The following DOK6 variants were observed in gnomAD, a reference collection of about 807,000 sequenced individuals.
DOK6 encodes the protein docking protein 6, also known as downstream of tyrosine kinase 6.
In DOK6, 22 loss-of-function variants were observed where a neutral mutation model predicts 44.0. The observed-to-expected ratio is 0.50, with a 90% CI of 0.36 to 0.71. The LOEUF (loss-of-function observed/expected upper bound fraction) is 0.71. Among genes scored for constraint, DOK6 ranks in the 30% least tolerant of loss-of-function variants. The probability of loss-of-function intolerance (pLI) is 0.00; values close to 1 mark genes in which losing one functional copy is unlikely to be tolerated. For synonymous variants in DOK6, 166 were observed against 145.5 expected (o/e 1.14, Z -1.01); for missense variants, 340 against 416.4 (o/e 0.82, Z 1.60).
chr18:69,676,386 A>G (rs1170604043), intron 3 of DOK6, among the ~76,000 whole-genome samples: 1 of 152,230 alleles, frequency 6.6e-6, no homozygotes, highest in African/African-American at 2.4e-5. Context: ...CTAAGCTCAG[A>G]AAGAAAACAT....
chr18:69,445,288 T>C (rs1479337918), intron 1 of DOK6, among the ~76,000 whole-genome samples: 4 of 152,324 alleles, frequency 2.6e-5, no homozygotes, highest in East Asian at 3.9e-4. Flanking sequence ...TTGAGTACCA[T>C]TGATTTATTT....
intron 3 of DOK6, among the ~76,000 whole-genome samples, chr18:69,672,018 T>C (rs1216454194): frequency 6.6e-6 from 1 of 152,188 alleles, no homozygotes; most frequent in Admixed American, 6.5e-5. Flanking sequence ...TTAGGGGCTA[T>C]GATAAAATTC....
At position 69,843,003 on chromosome 18, in the gene DOK6, C is replaced by CT. The variant is rs1302233616; in HGVS notation, c.*1622dup. The CT allele has an allele frequency of 5.9e-5, 9 of 152,158 alleles. No homozygotes were observed. The East Asian group carries it at 1.7e-3, about 29-fold the overall frequency. The allele number at this position is 152,158 out of a possible 1,614,324, so 9.4% of individuals were successfully genotyped here. A position where few individuals can be genotyped will look rare whatever the true frequency, so the allele number is the denominator to read the frequency against. On this transcript the variant is annotated 3_prime_UTR_variant, in exon 8 of 8. Transcript: ENST00000382713. The stretch of plus-strand genomic sequence containing the variant: ...GTTGTCTTTTCATCCCTATCTGTAG[C>CT]TTGAGTGCAGATTGACAATTCATTT...
intron 3 of DOK6, among the ~76,000 whole-genome samples, chr18:69,647,203 C>T (rs2042067831): frequency 6.6e-6 from 1 of 151,646 alleles, no homozygotes; most frequent in African/African-American, 2.4e-5. Flanking sequence ...ACCTATCTAT[C>T]TCCTGTCTTC....
intron 5 of DOK6, among the ~76,000 whole-genome samples, chr18:69,712,414 T>C (rs1986787091): frequency 6.6e-6 from 1 of 151,682 alleles, no homozygotes; most frequent in South Asian, 2.1e-4. Flanking sequence ...TTATTGTGTT[T>C]ATTTTGAAGG....
intron 3 of DOK6, among the ~76,000 whole-genome samples, chr18:69,651,591 C>T (rs1306464858): frequency 6.6e-6 from 1 of 150,424 alleles, no homozygotes; most frequent in Non-Finnish European, 1.5e-5. Context: ...CGGGTTCAAG[C>T]GAATCTCCTG....
intron 4 of DOK6, among the ~76,000 whole-genome samples, chr18:69,693,869 T>C (rs1986325401): frequency 6.6e-6 from 1 of 151,230 alleles, no homozygotes; most frequent in African/African-American, 2.4e-5. Flanking sequence ...CCATCCTGGC[T>C]AACACAGTGA....
chr18:69,563,139 A>C (rs1369333344), intron 1 of DOK6, among the ~76,000 whole-genome samples: 1 of 152,222 alleles, frequency 6.6e-6, no homozygotes, highest in Non-Finnish European at 1.5e-5. Context: ...ATCATTAAAA[A>C]GTCAGGAAAC....
chr18:69,756,054 C>T (rs1472992375), intron 6 of DOK6, among the ~76,000 whole-genome samples: 2 of 152,176 alleles, frequency 1.3e-5, no homozygotes, highest in African/African-American at 4.8e-5. Context: ...TTGGTCTGAG[C>T]CACCCCAATT....
At chr18:69,592,236 TC>T (rs1983638556) in intron 2 of DOK6, among the ~76,000 whole-genome samples, 1 of 135,682 alleles carries the variant, frequency 7.4e-6, no homozygotes, top group Non-Finnish European at 1.7e-5. Flanking sequence ...TTTTCTTTTT[TC>T]TTTTTTTTTT....
At chr18:69,709,410 A>AT (rs1466037820) in intron 5 of DOK6, among the ~76,000 whole-genome samples, 1 of 152,198 alleles carries the variant, frequency 6.6e-6, no homozygotes, top group East Asian at 1.9e-4. Flanking sequence ...TTATTGCAAT[A>AT]TTTTTTAAAA....
intron 2 of DOK6, among the ~76,000 whole-genome samples, chr18:69,593,685 C>T (rs1341928686): frequency 6.6e-6 from 1 of 152,060 alleles, no homozygotes; most frequent in Non-Finnish European, 1.5e-5. Context: ...CTAGGCTATC[C>T]ATTAGCTTAT....
At chr18:69,778,669 G>T (rs773162864) in intron 7 of DOK6, among the ~76,000 whole-genome samples, 4 of 152,156 alleles carry the variant, frequency 2.6e-5, no homozygotes, top group Non-Finnish European at 5.9e-5. Context: ...AGGAAGGAAA[G>T]GAGTGGTTCA....
At chr18:69,608,659 A>G (rs1483293860) in intron 3 of DOK6, among the ~76,000 whole-genome samples, 2 of 152,106 alleles carry the variant, frequency 1.3e-5, no homozygotes, top group Non-Finnish European at 2.9e-5. Context: ...ATTTGTTTGT[A>G]TCTTTTTGAA....
At chr18:69,726,356 T>C (rs1978307292) in intron 5 of DOK6, among the ~76,000 whole-genome samples, 1 of 150,556 alleles carries the variant, frequency 6.6e-6, no homozygotes, top group Non-Finnish European at 1.5e-5. Flanking sequence ...TTTTGTTCTT[T>C]AATCTTTTGT....
In DOK6 at chr18:69,575,808, G is replaced by A. The variant is rs373072468; in HGVS notation, c.174+11214G>A. The stretch of plus-strand genomic sequence containing the variant: ...TAAAATTTTTTATATTTACAAAGGA[G>A]AAGGAGAAAGCACATTATTGGAGGC... On this transcript the variant is annotated intron_variant, in intron 2 of 7. Transcript: ENST00000382713. Among the ~76,000 whole-genome samples, 6 of 152,216 alleles carry A rather than the reference G, an allele frequency of 3.9e-5. No homozygotes were observed. In the East Asian group the frequency reaches 9.6e-4, roughly 24 times the overall value.
At position 69,764,206 on chromosome 18, in the gene DOK6, C is replaced by T. The variant is rs114118287; in HGVS notation, c.856+6333C>T. Reference sequence around the variant, plus strand: ...CTCTCTACACCTGCTGCCTTCTCTCCGGTTAGTTCACGTTCTTCTTTTATA... The same window carrying T: ...CTCTCTACACCTGCTGCCTTCTCTCTGGTTAGTTCACGTTCTTCTTTTATA... On this transcript the variant is annotated intron_variant, in intron 7 of 7. Coordinates refer to ENST00000382713, the MANE Select transcript of DOK6 (RefSeq NM_152721.6). 5.2e-3 allele frequency among the ~76,000 whole-genome samples: 799 copies of T among 152,212 alleles called. 4 individuals carry two copies. The highest frequency in any genetic ancestry group is 0.017 in the African/African-American group (711 of 41,556).
At chr18:69,751,037 T>C (rs769332960) in intron 6 of DOK6, among the ~76,000 whole-genome samples, 7 of 152,122 alleles carry the variant, frequency 4.6e-5, no homozygotes, top group Non-Finnish European at 8.8e-5. Context: ...TTCTCACTTA[T>C]AAATGGAATC....
chr18:69,677,275 C>T (rs972108206), intron 3 of DOK6, among the ~76,000 whole-genome samples: 16 of 151,258 alleles, frequency 1.1e-4, no homozygotes, highest in African/African-American at 3.9e-4. Flanking sequence ...TTTATATTTA[C>T]TTAATTTACA....
Sources: gnomAD v4.1 joint callset for allele counts (sites outside exome capture counted in the v4.1 genomes callset) on GRCh38, gnomAD v4.1.1 for gene constraint, MANE v1.5 for transcripts, NCBI Gene and HGNC (gene_info 2026-07-23, HGNC 2026-07-21) for gene names.